Variants in CAV1 observed in about 807,000 individuals in gnomAD.
The protein encoded by CAV1 is caveolin-1.
CAV1 carries 10 observed loss-of-function variants against 16.5 expected under a neutral mutation model. The observed-to-expected ratio is 0.61, with a 90% CI of 0.37 to 1.03. The LOEUF is 1.03. Among genes scored for constraint, CAV1 ranks in the 50% least tolerant of loss-of-function variants. The probability of loss-of-function intolerance (pLI) is 0.01; values close to 1 mark genes in which losing one functional copy is unlikely to be tolerated. For missense variants in CAV1, 212 were observed against 232.8 expected (o/e 0.91, Z 0.58); for synonymous variants, 76 against 85.1 (o/e 0.89, Z 0.59).
intron 2 of CAV1, among the ~76,000 whole-genome samples, chr7:116,544,042 A>C (rs1167537915): frequency 6.6e-6 from 1 of 152,228 alleles, no homozygotes; most frequent in African/African-American, 2.4e-5. Context: ...GAAGGTAAAC[A>C]TGAAGGCGTT....
intron 1 of CAV1, chr7:116,525,894 T>C (rs1793546727): frequency 8.4e-6 from 8 of 956,056 alleles, no homozygotes; most frequent in Non-Finnish European, 1.0e-5. Flanking sequence ...TCACGGCGGA[T>C]TGAGCAGGGA....
At chr7:116,529,032 G>A (rs1372045950) in intron 2 of CAV1, among the ~76,000 whole-genome samples, 3 of 152,070 alleles carry the variant, frequency 2.0e-5, no homozygotes, top group Admixed American at 6.6e-5. Flanking sequence ...GTTTCACCAT[G>A]TTGGCCAGGC....
chr7:116,549,894 T>C (rs1794125510), intron 2 of CAV1, among the ~76,000 whole-genome samples: 1 of 152,220 alleles, frequency 6.6e-6, no homozygotes, highest in East Asian at 1.9e-4. Context: ...AGTCACTTTT[T>C]AGTCACTACA....
intron 2 of CAV1, among the ~76,000 whole-genome samples, chr7:116,551,159 T>C (rs185516817): frequency 5.3e-5 from 8 of 152,360 alleles, no homozygotes; most frequent in Admixed American, 2.0e-4. Context: ...GAGTCTGATC[T>C]GATTCTGAAA....
chr7:116,546,697 C>CAAAAAAAAAAAAAAAAAAAAAAAA (rs5886830), intron 2 of CAV1, among the ~76,000 whole-genome samples: 45 of 88,378 alleles, frequency 5.1e-4, no homozygotes, highest in Middle Eastern at 6.3e-3. Flanking sequence ...GACTCTGTCA[C>CAAAAAAAAAAAAAAAAAAAAAAAA]AAAAAAAAAA....
chr7:116,556,859 T>A lies in CAV1; in HGVS notation c.196-2087T>A, dbSNP rs3807991. 4.9e-4 allele frequency among the ~76,000 whole-genome samples: 75 copies of A among 152,310 alleles called. No individual in the cohort carries two copies. The East Asian group carries it at 0.013, about 27-fold the overall frequency. ...CTTTTGACCCCAGATTAAGAACACCTGCTGTAGTATTTTAATTCTGCCTTC... is the reference window on the plus strand; with the variant it reads ...CTTTTGACCCCAGATTAAGAACACCAGCTGTAGTATTTTAATTCTGCCTTC... On this transcript the variant is annotated intron_variant, in intron 2 of 2. Coordinates refer to ENST00000341049, the MANE Select transcript of CAV1 (RefSeq NM_001753.5).
chr7:116,558,765 A>G (rs1448918785), intron 2 of CAV1, among the ~76,000 whole-genome samples, 181 bp from the exon 3 acceptor site: 1 of 152,004 alleles, frequency 6.6e-6, no homozygotes, highest in Non-Finnish European at 1.5e-5. Context: ...AAAAATAAAA[A>G]TGAAAAAAAT....
chr7:116,526,808 A>T, intron 2 of CAV1, 119 bp downstream of exon 2: 1 of 1,030,794 alleles, frequency 9.7e-7, no homozygotes, highest in South Asian at 1.4e-5. Context: ...ACACGCGCAC[A>T]CACACACACA....
At chr7:116,555,242 A>C (rs1349759689) in intron 2 of CAV1, among the ~76,000 whole-genome samples, 1 of 151,866 alleles carries the variant, frequency 6.6e-6, no homozygotes, top group Non-Finnish European at 1.5e-5. Flanking sequence ...CAGGCGTTCA[A>C]CATCAGCCTA....
chr7:116,542,516 T>G (rs1283556345), intron 2 of CAV1, among the ~76,000 whole-genome samples: 1 of 152,168 alleles, frequency 6.6e-6, no homozygotes, highest in African/African-American at 2.4e-5. Context: ...TGACAAGACT[T>G]TCAGGACCTT....
Position 116,559,780 on chromosome 7 carries a change from T to C in CAV1, c.*493T>C. Reference sequence around the variant, plus strand: ...ACTGTTTAAGGAGTTAGTGGATTACTGCCATTCACTTCATAATCCAGTAGG... The same window carrying C: ...ACTGTTTAAGGAGTTAGTGGATTACCGCCATTCACTTCATAATCCAGTAGG... On this transcript the variant is annotated 3_prime_UTR_variant, in exon 3 of 3. Transcript: ENST00000341049. 2.4e-6 allele frequency: 1 copy of C among 417,428 alleles called. No individual in the cohort carries two copies. Among genetic ancestry groups the C allele is most frequent in the Non-Finnish European group, 4.2e-6 (1 of 237,798 alleles). 25.9% of individuals were successfully genotyped at this position (417,428 alleles called of 1,614,324 possible).
intron 2 of CAV1, among the ~76,000 whole-genome samples, chr7:116,534,362 GATATATATATATATAT>G (rs1181031913): frequency 0.01 from 431 of 42,642 alleles, 27 homozygotes; most frequent in African/African-American, 0.03. Flanking sequence ...GCCCACCTCA[GATATATATATATATAT>G]ATATATATAT....
chr7:116,556,743 A>T (rs1794301811), intron 2 of CAV1, among the ~76,000 whole-genome samples: 1 of 151,540 alleles, frequency 6.6e-6, no homozygotes, highest in Admixed American at 6.6e-5. Flanking sequence ...TTGGTAATAG[A>T]CTATTTTTTA....
chr7:116,533,785 A>G (rs1445191897), intron 2 of CAV1, among the ~76,000 whole-genome samples: 1 of 152,250 alleles, frequency 6.6e-6, no homozygotes, highest in African/African-American at 2.4e-5. Context: ...CACGTCATTT[A>G]TAAACCTTAA....
At chr7:116,542,204 G>GTT (rs1444321768) in intron 2 of CAV1, among the ~76,000 whole-genome samples, 1 of 152,234 alleles carries the variant, frequency 6.6e-6, no homozygotes, top group African/African-American at 2.4e-5. Context: ...TATTCACACA[G>GTT]TTTTGCAGCT....
intron 2 of CAV1, among the ~76,000 whole-genome samples, chr7:116,534,395 A>ATTTTTT (rs1159703159): frequency 1.0e-3 from 8 of 7,818 alleles, no homozygotes; most frequent in Admixed American, 2.3e-3. Flanking sequence ...ATATATATAT[A>ATTTTTT]TTTTTTTTTT....
At chr7:116,542,295 GT>G in intron 2 of CAV1, among the ~76,000 whole-genome samples, 1 of 151,970 alleles carries the variant, frequency 6.6e-6, no homozygotes, top group East Asian at 1.9e-4. Context: ...ATTTAGACCA[GT>G]GGTTCTTCAC....
At chr7:116,534,625 C>G (rs1270788210) in intron 2 of CAV1, among the ~76,000 whole-genome samples, 1 of 151,296 alleles carries the variant, frequency 6.6e-6, no homozygotes, top group African/African-American at 2.4e-5. Flanking sequence ...TGGTCTCAAT[C>G]TCCTGACCTT....
At chr7:116,552,524 T>C (rs1794183695) in intron 2 of CAV1, among the ~76,000 whole-genome samples, 1 of 152,240 alleles carries the variant, frequency 6.6e-6, no homozygotes, top group Admixed American at 6.5e-5. Context: ...TATATCTAAG[T>C]CACATAAGCA....
Sources: allele counts gnomAD v4.1 joint callset (sites outside exome capture counted in the v4.1 genomes callset), GRCh38; gene constraint gnomAD v4.1.1; transcripts MANE v1.5; gene names NCBI Gene and HGNC (gene_info 2026-07-23, HGNC 2026-07-21).